NAALADL2: variants seen among roughly 807,000 people sequenced by gnomAD.
NAALADL2 encodes the protein inactive N-acetylated-alpha-linked acidic dipeptidase-like protein 2.
In NAALADL2, 76 loss-of-function variants were observed where a neutral mutation model predicts 87.2. The observed-to-expected ratio is 0.87, with a 90% confidence interval of 0.72 to 1.05. The LOEUF is 1.05. Among genes scored for constraint, NAALADL2 ranks in the 50% least tolerant of loss-of-function variants. NAALADL2 has a pLI of 0.00. For synonymous variants in NAALADL2, 354 were observed against 331.0 expected, an observed-to-expected ratio of 1.07 and a Z score of -0.75; for missense variants, 1,089 against 945.8, an observed-to-expected ratio of 1.15 and a Z score of -1.99.
At chr3:175,132,173 C>G (rs1447469076) in intron 2 of NAALADL2, among the ~76,000 whole-genome samples, 2 of 104,864 alleles carry the variant, frequency 1.9e-5, no homozygotes, top group Admixed American at 1.8e-4. Context: ...GGGCAGCTGG[C>G]TGGGCAGAGG....
intron 10 of NAALADL2, among the ~76,000 whole-genome samples, chr3:175,606,326 G>A (rs1325217426): frequency 1.3e-5 from 2 of 151,742 alleles, no homozygotes; most frequent in Non-Finnish European, 2.9e-5. Context: ...CTGATATTTA[G>A]AGGAAAAGGA....
At chr3:175,631,054 T>C (rs1016328307) in intron 11 of NAALADL2, among the ~76,000 whole-genome samples, 8 of 151,498 alleles carry the variant, frequency 5.3e-5, no homozygotes, top group Non-Finnish European at 8.9e-5. Flanking sequence ...TTAAATATAA[T>C]AAATATGTAT....
In NAALADL2 at chr3:174,971,912, G is replaced by A. The variant is rs183592558; in HGVS notation, c.43+112462G>A. On this transcript the variant is annotated intron_variant, in intron 1 of 13. Transcript: ENST00000454872. ...GGATTTTCACCATATTGGTCAGGCT[G>A]GTCTTGAACTCCTGACCTCAGGTGA... Among the ~76,000 whole-genome samples, 5 of 152,210 alleles carry A rather than the reference G, an allele frequency of 3.3e-5. No individual in the cohort carries two copies. In the East Asian group the frequency reaches 5.8e-4, roughly 18 times the overall value.
At chr3:175,702,966 T>C (rs958829198) in intron 11 of NAALADL2, among the ~76,000 whole-genome samples, 2 of 152,094 alleles carry the variant, frequency 1.3e-5, no homozygotes, top group African/African-American at 4.8e-5. Flanking sequence ...TAGATAAGGA[T>C]GAGAATTCCA....
intron 12 of NAALADL2, among the ~76,000 whole-genome samples, chr3:175,748,194 G>C (rs1196523629): frequency 6.6e-6 from 1 of 151,952 alleles, no homozygotes; most frequent in Non-Finnish European, 1.5e-5. Flanking sequence ...AGTATCAATA[G>C]CGCAATCGCT....
intron 11 of NAALADL2, among the ~76,000 whole-genome samples, chr3:175,650,796 G>A (rs1331814740): frequency 3.3e-5 from 5 of 152,098 alleles, no homozygotes; most frequent in Non-Finnish European, 7.4e-5. Context: ...AAAGATACTT[G>A]ACATCCAGAT....
intron 1 of NAALADL2, among the ~76,000 whole-genome samples, chr3:174,522,356 G>A (rs1214967729): frequency 6.6e-6 from 1 of 152,112 alleles, no homozygotes; most frequent in Non-Finnish European, 1.5e-5. Context: ...ATTCGTGAAT[G>A]AGACTAGTGT....
intron 3 of NAALADL2, among the ~76,000 whole-genome samples, chr3:174,766,460 G>T (rs1713816916): frequency 6.6e-6 from 1 of 152,172 alleles, no homozygotes; most frequent in East Asian, 1.9e-4. Context: ...TATGGGATGG[G>T]TGAAGGTGTC....
At chr3:175,795,260 T>C (rs1245145931) in intron 13 of NAALADL2, among the ~76,000 whole-genome samples, 11 of 152,216 alleles carry the variant, frequency 7.2e-5, no homozygotes, top group Admixed American at 7.2e-4. Context: ...TTTTTAAACT[T>C]TTAATAAATC....
chr3:175,169,325 G>A (rs145341551), intron 2 of NAALADL2, among the ~76,000 whole-genome samples: 4 of 151,398 alleles, frequency 2.6e-5, no homozygotes, highest in African/African-American at 9.7e-5. Context: ...TCTGAAGTCT[G>A]GACAGCTAGC....
chr3:174,475,902 G>A lies in NAALADL2; in HGVS notation c.-184+34870G>A, dbSNP rs62289931. ...CATTAAGGAATTCAGTCAAGGAGAT[G>A]AACAAAGGAAACTGTAGTTAAAAGA... On this transcript the variant is annotated intron_variant, in intron 1 of 3. Transcript: ENST00000434257. Among the ~76,000 whole-genome samples the A allele has an allele frequency of 8.6e-3, 1,313 of 151,914 alleles. 10 individuals are homozygous for A. Among genetic ancestry groups the A allele is most frequent in the Middle Eastern group, 0.014 (4 of 294 alleles).
At chr3:175,133,858 A>G (rs1157504779) in intron 2 of NAALADL2, among the ~76,000 whole-genome samples, 1 of 152,230 alleles carries the variant, frequency 6.6e-6, no homozygotes, top group Non-Finnish European at 1.5e-5. Flanking sequence ...TTTTGGCAAC[A>G]TTCAAAATGA....
At chr3:174,510,907 C>T (rs1028485235) in intron 1 of NAALADL2, among the ~76,000 whole-genome samples, 1 of 151,724 alleles carries the variant, frequency 6.6e-6, no homozygotes, top group Non-Finnish European at 1.5e-5. Context: ...TGTTCATTTT[C>T]TTTCAATCAA....
chr3:175,449,628 C>T (rs959362291), intron 6 of NAALADL2, among the ~76,000 whole-genome samples: 1 of 151,826 alleles, frequency 6.6e-6, no homozygotes, highest in African/African-American at 2.4e-5. Flanking sequence ...TTCCTGACCT[C>T]GTGATCCGCC....
At chr3:175,712,741 C>T (rs184020519) in intron 11 of NAALADL2, among the ~76,000 whole-genome samples, 8 of 152,188 alleles carry the variant, frequency 5.3e-5, no homozygotes, top group Admixed American at 3.3e-4. Context: ...TTTTGGACTT[C>T]TCAGTCTCCA....
chr3:174,589,551 G>A (rs1717130943), intron 2 of NAALADL2, among the ~76,000 whole-genome samples: 1 of 152,182 alleles, frequency 6.6e-6, no homozygotes, highest in South Asian at 2.1e-4. Flanking sequence ...CATTCATTGA[G>A]ACTGTGCCAT....
At chr3:174,484,920 C>T (rs1481755495) in intron 1 of NAALADL2, among the ~76,000 whole-genome samples, 1 of 151,854 alleles carries the variant, frequency 6.6e-6, no homozygotes, top group African/African-American at 2.4e-5. Context: ...ATTTGCTTAG[C>T]CGGTAGTTGT....
At chr3:175,066,693 T>C (rs1189481090) in intron 1 of NAALADL2, among the ~76,000 whole-genome samples, 1 of 152,162 alleles carries the variant, frequency 6.6e-6, no homozygotes, top group Non-Finnish European at 1.5e-5. Context: ...ATTTAGAGTT[T>C]AATCTGACAG....
At chr3:174,746,378 G>A (rs531476479) in intron 3 of NAALADL2, among the ~76,000 whole-genome samples, 1 of 152,242 alleles carries the variant, frequency 6.6e-6, no homozygotes, top group African/African-American at 2.4e-5. Context: ...AACAAGGGAT[G>A]TCAAGGATGT....
Sources: allele counts gnomAD v4.1 joint callset (sites outside exome capture counted in the v4.1 genomes callset), GRCh38; gene constraint gnomAD v4.1.1; transcripts MANE v1.5; gene names NCBI Gene and HGNC (gene_info 2026-07-23, HGNC 2026-07-21).